PPP6R3: variants seen among roughly 807,000 people sequenced by gnomAD.
PPP6R3 encodes protein phosphatase 6 regulatory subunit 3.
In PPP6R3, 38 loss-of-function variants were observed where a neutral mutation model predicts 110.7. That is an observed-to-expected ratio of 0.34 (90% CI 0.26 to 0.45). PPP6R3 has a LOEUF of 0.45. Ranked by LOEUF, PPP6R3 falls within the 20% of genes least tolerant of loss-of-function variation. PPP6R3 has a pLI of 1.00. For missense variants in PPP6R3, 870 were observed against 1,062.4 expected (o/e 0.82, Z 2.52); for synonymous variants, 369 against 373.5 (o/e 0.99, Z 0.14).
intron 6 of PPP6R3, among the ~76,000 whole-genome samples, chr11:68,553,875 T>TC (rs2099389954): frequency 6.6e-6 from 1 of 152,206 alleles, no homozygotes; most frequent in Non-Finnish European, 1.5e-5. Flanking sequence ...CTGTATTTTT[T>TC]CCCAACTATT....
intron 8 of PPP6R3, among the ~76,000 whole-genome samples, chr11:68,563,502 T>A (rs1372664716): frequency 1.3e-5 from 2 of 152,218 alleles, no homozygotes; most frequent in Non-Finnish European, 2.9e-5. Flanking sequence ...TTCAGAGATC[T>A]TTTTTCCAAA....
intron 5 of PPP6R3, among the ~76,000 whole-genome samples, chr11:68,548,642 G>A (rs992964415): frequency 1.3e-5 from 2 of 152,108 alleles, no homozygotes; most frequent in African/African-American, 4.8e-5. Flanking sequence ...ATGTATCCAG[G>A]GATTCAGGCT....
chr11:68,483,229 A>T (rs953111151), intron 1 of PPP6R3, among the ~76,000 whole-genome samples: 9 of 152,232 alleles, frequency 5.9e-5, no homozygotes, highest in African/African-American at 2.2e-4. Context: ...TCAAAATGAG[A>T]TACGACATTG....
At chr11:68,564,709 A>T (rs369320955) in intron 9 of PPP6R3, among the ~76,000 whole-genome samples, 9 of 152,354 alleles carry the variant, frequency 5.9e-5, no homozygotes, top group African/African-American at 2.2e-4. Flanking sequence ...TTCTTGTAGC[A>T]TATTATTTTT....
intron 3 of PPP6R3, among the ~76,000 whole-genome samples, chr11:68,538,862 G>A (rs2099288883): frequency 6.6e-6 from 1 of 152,224 alleles, no homozygotes; most frequent in African/African-American, 2.4e-5. Context: ...GCTCATGCCT[G>A]TAATCCCAGC....
chr11:68,596,999 A>G (rs1053676955), intron 19 of PPP6R3, among the ~76,000 whole-genome samples: 2 of 152,218 alleles, frequency 1.3e-5, no homozygotes, highest in Non-Finnish European at 2.9e-5. Flanking sequence ...TGGGAGAAGA[A>G]GAGAGATCTT....
intron 1 of PPP6R3, among the ~76,000 whole-genome samples, chr11:68,466,779 ATT>A (rs1049096680): frequency 6.6e-6 from 1 of 151,904 alleles, no homozygotes; most frequent in African/African-American, 2.4e-5. Context: ...CGCCCGGCTA[ATT>A]TTTTTTGTAT....
rs1173641484 is a variant in PPP6R3 at position 68,569,732 on chromosome 11, T to C, written c.1129-16T>C. 3.2e-6 allele frequency: 5 copies of C among 1,562,020 alleles called. No individual in the cohort carries two copies. Among genetic ancestry groups the C allele is most frequent in the Non-Finnish European group, 2.6e-6 (3 of 1,146,244 alleles). On this transcript the variant is annotated splice_polypyrimidine_tract_variant and intron_variant, in intron 10 of 23. Transcript: ENST00000393800. Reference sequence around the variant, plus strand: ...ATTGAGGTAACCGAATAAAACATGGTTTTTCTTTTTTGTAGAACATGTTCT... The same window carrying C: ...ATTGAGGTAACCGAATAAAACATGGCTTTTCTTTTTTGTAGAACATGTTCT...
intron 8 of PPP6R3, among the ~76,000 whole-genome samples, chr11:68,558,944 T>TA (rs1465721762): frequency 1.2e-4 from 19 of 152,240 alleles, no homozygotes; most frequent in African/African-American, 1.9e-4. Flanking sequence ...GGAAAATGCT[T>TA]ACTATAATAA....
intron 5 of PPP6R3, among the ~76,000 whole-genome samples, chr11:68,548,787 A>G (rs1326075065): frequency 6.6e-6 from 1 of 152,186 alleles, no homozygotes; most frequent in Admixed American, 6.5e-5. Flanking sequence ...TAGATGTCTC[A>G]GGTAGAATTT....
intron 1 of PPP6R3, among the ~76,000 whole-genome samples, chr11:68,491,618 G>A (rs905056720): frequency 3.3e-5 from 5 of 151,964 alleles, no homozygotes; most frequent in South Asian, 2.1e-4. Flanking sequence ...CTAAAGTGTC[G>A]GGATTATAGG....
intron 18 of PPP6R3, among the ~76,000 whole-genome samples, chr11:68,595,485 G>A (rs903118657): frequency 3.9e-5 from 6 of 151,916 alleles, no homozygotes; most frequent in African/African-American, 9.7e-5. Flanking sequence ...CAAAGTGCTG[G>A]GATTACAGGC....
At chr11:68,548,621 G>T (rs2099358480) in intron 5 of PPP6R3, among the ~76,000 whole-genome samples, 1 of 152,148 alleles carries the variant, frequency 6.6e-6, no homozygotes, top group Non-Finnish European at 1.5e-5. Flanking sequence ...GGTCAAAACG[G>T]AGAGGTGTTG....
intron 6 of PPP6R3, among the ~76,000 whole-genome samples, chr11:68,553,587 C>T (rs1565800624): frequency 6.6e-6 from 1 of 152,058 alleles, no homozygotes; most frequent in Non-Finnish European, 1.5e-5. Flanking sequence ...GCCACTGCAC[C>T]CAGCTGTACT....
chr11:68,549,953 T>C (rs2099364365), intron 5 of PPP6R3, among the ~76,000 whole-genome samples: 1 of 152,186 alleles, frequency 6.6e-6, no homozygotes, highest in African/African-American at 2.4e-5. Context: ...TGGGATTGAT[T>C]AGTTCGCCGC....
chr11:68,544,883 G>A lies in PPP6R3; in HGVS notation c.273G>A (p.Gln91=). The A allele has an allele frequency of 6.2e-7, 1 of 1,608,492 alleles. No individual in the cohort carries two copies. Among genetic ancestry groups the A allele is most frequent in the South Asian group, 1.1e-5 (1 of 90,934 alleles). The change falls in exon 4 of 24, where the codon CAG becomes CAA. Residue 91 remains glutamine, a synonymous_variant. Transcript: ENST00000393800. ...AGTTGCTCACTTCTGATGTCTCCCAGATGAATGATAGACTGGGAGAAGATG... is the reference window on the plus strand; with the variant it reads ...AGTTGCTCACTTCTGATGTCTCCCAAATGAATGATAGACTGGGAGAAGATG... ...SCELLTSDVS[Q]MNDRLGEDES...
At chr11:68,516,062 C>G (rs1224319880) in intron 1 of PPP6R3, among the ~76,000 whole-genome samples, 1 of 152,134 alleles carries the variant, frequency 6.6e-6, no homozygotes. Context: ...ATTACATAGT[C>G]TTCTGCCTTT....
At chr11:68,609,738 ACTGT>A (rs768073101) in intron 22 of PPP6R3, 162 bp from the exon 23 acceptor site, 193 of 1,557,796 alleles carry the variant, frequency 1.2e-4, no homozygotes, top group Non-Finnish European at 1.6e-4. Context: ...TTCCCCAGTC[ACTGT>A]CTGTGGTTGT....
At chr11:68,469,323 A>G (rs1400135745) in intron 1 of PPP6R3, among the ~76,000 whole-genome samples, 3 of 152,162 alleles carry the variant, frequency 2.0e-5, no homozygotes, top group Non-Finnish European at 4.4e-5. Context: ...TTTGAGATAG[A>G]GTCCCAGGCT....
Sources: gnomAD v4.1 joint callset for allele counts (sites outside exome capture counted in the v4.1 genomes callset) on GRCh38, gnomAD v4.1.1 for gene constraint, MANE v1.5 for transcripts, NCBI Gene and HGNC (gene_info 2026-07-23, HGNC 2026-07-21) for gene names.